NRXN1: variants seen among roughly 807,000 people sequenced by gnomAD.
NRXN1 encodes the protein neurexin 1, also known as neurexin-1.
Under a neutral mutation model 150.9 loss-of-function variants are expected in NRXN1, and 39 were observed. The observed-to-expected ratio is 0.26, with a 90% CI of 0.20 to 0.34. The LOEUF is 0.34. NRXN1 is among the 10% of genes least tolerant of loss of function. NRXN1 has a pLI of 1.00. For missense variants in NRXN1, 1,815 were observed against 1,949.9 expected, an observed-to-expected ratio of 0.93 and a Z score of 1.30; for synonymous variants, 924 against 757.0, an observed-to-expected ratio of 1.22 and a Z score of -3.62.
intron 18 of NRXN1, among the ~76,000 whole-genome samples, chr2:50,150,025 C>T (rs2058604219): frequency 6.6e-6 from 1 of 151,670 alleles, no homozygotes; most frequent in African/African-American, 2.4e-5. Context: ...GACTTGCACT[C>T]TTTATATTTC....
intron 17 of NRXN1, among the ~76,000 whole-genome samples, chr2:50,456,634 T>C (rs966883793): frequency 6.6e-6 from 1 of 152,134 alleles, no homozygotes; most frequent in African/African-American, 2.4e-5. Flanking sequence ...TATTCCTTAA[T>C]GCAAGCACAA....
At chr2:50,860,825 C>A (rs1333403127) in intron 5 of NRXN1, among the ~76,000 whole-genome samples, 1 of 151,986 alleles carries the variant, frequency 6.6e-6, no homozygotes, top group Non-Finnish European at 1.5e-5. Context: ...GACTAAAGTG[C>A]CAGATTTAAA....
At chr2:50,207,892 T>C (rs2062728570) in intron 18 of NRXN1, among the ~76,000 whole-genome samples, 1 of 152,142 alleles carries the variant, frequency 6.6e-6, no homozygotes, top group Admixed American at 6.6e-5. Context: ...GTTGTTTCCA[T>C]GTAGAGTAGG....
intron 2 of NRXN1, among the ~76,000 whole-genome samples, chr2:50,989,370 G>A (rs1698201189): frequency 1.3e-5 from 2 of 151,798 alleles, no homozygotes; most frequent in Non-Finnish European, 2.9e-5. Flanking sequence ...CCTTATAAGT[G>A]GGTAATTATA....
intron 5 of NRXN1, among the ~76,000 whole-genome samples, chr2:50,707,392 G>A (rs1163727498): frequency 6.6e-6 from 1 of 152,148 alleles, no homozygotes. Context: ...AAAGTGCAGT[G>A]CTGGTTCTTG....
chr2:50,755,465 A>C (rs2105351322), intron 5 of NRXN1, among the ~76,000 whole-genome samples: 1 of 151,912 alleles, frequency 6.6e-6, no homozygotes, highest in South Asian at 2.1e-4. Context: ...CTCCTTCCCA[A>C]GGAACAGTTT....
intron 5 of NRXN1, among the ~76,000 whole-genome samples, chr2:50,712,326 T>C (rs1469342232): frequency 1.3e-5 from 2 of 152,134 alleles, no homozygotes; most frequent in African/African-American, 4.8e-5. Context: ...TAATTGCTAT[T>C]TTTTAAAAAA....
intron 4 of NRXN1, 65 bp downstream of exon 4, chr2:50,922,593 G>T: frequency 6.6e-7 from 1 of 1,524,480 alleles, no homozygotes; most frequent in Non-Finnish European, 9.0e-7. Context: ...TGCAGTGATG[G>T]TTTGAAAGCA....
intron 5 of NRXN1, among the ~76,000 whole-genome samples, chr2:50,844,646 A>G (rs555986838): frequency 6.6e-6 from 1 of 152,348 alleles, no homozygotes; most frequent in Non-Finnish European, 1.5e-5. Context: ...TCATATTATG[A>G]TAATCCTTCC....
At chr2:50,080,979 A>C (rs1284805720) in intron 19 of NRXN1, among the ~76,000 whole-genome samples, 1 of 152,196 alleles carries the variant, frequency 6.6e-6, no homozygotes, top group Non-Finnish European at 1.5e-5. Flanking sequence ...TCTGAATTCT[A>C]GGTAAATGGG....
At chr2:50,561,095 A>G (rs2105392909) in intron 8 of NRXN1, among the ~76,000 whole-genome samples, 1 of 152,324 alleles carries the variant, frequency 6.6e-6, no homozygotes, top group East Asian at 1.9e-4. Context: ...GGGAAGAAAA[A>G]GGAAAAGAAA....
chr2:50,254,583 T>C (rs533636357), intron 17 of NRXN1, among the ~76,000 whole-genome samples: 5 of 150,692 alleles, frequency 3.3e-5, no homozygotes, highest in African/African-American at 5.0e-5. Flanking sequence ...AACAATGCTT[T>C]AGCTGCATCC....
Position 50,623,479 on chromosome 2 carries a change from G to A in NRXN1, c.969C>T (p.His323=), listed in dbSNP as rs375859050. ...KTLQRNGLML[H]TGKSADYVNL... ...TGACATAATCAGCCGATTTCCCAGT[G>A]TGAAGCATCAGTCCATTCCTCTGAA... is the stretch of plus-strand genomic sequence containing the variant. Residue 323 remains histidine (H), a synonymous_variant, in exon 6 of 23, where the codon CAC becomes CAT. Transcript: ENST00000401669. The A allele has an allele frequency of 1.2e-6, 2 of 1,613,460 alleles. No individual in the cohort carries two copies. The highest frequency in any genetic ancestry group is 1.1e-5 in the South Asian group (1 of 91,076).
At chr2:50,703,890 C>A (rs1200809837) in intron 5 of NRXN1, among the ~76,000 whole-genome samples, 3 of 152,050 alleles carry the variant, frequency 2.0e-5, no homozygotes, top group African/African-American at 7.2e-5. Context: ...CATATCGTTT[C>A]TACGTGGTAA....
chr2:50,266,122 C>T (rs368372283), intron 17 of NRXN1, among the ~76,000 whole-genome samples: 6 of 150,160 alleles, frequency 4.0e-5, no homozygotes, highest in African/African-American at 1.5e-4. Flanking sequence ...CCTCAGCCTC[C>T]CGAGTAGCTG....
intron 5 of NRXN1, among the ~76,000 whole-genome samples, chr2:50,754,189 G>A (rs1177548964): frequency 1.3e-5 from 2 of 151,900 alleles, no homozygotes; most frequent in South Asian, 4.2e-4. Context: ...TAGTAGTTTA[G>A]TAATCAAACC....
intron 17 of NRXN1, among the ~76,000 whole-genome samples, chr2:50,301,614 G>A (rs4142511): frequency 0.27 from 40,459 of 152,008 alleles, 5,644 homozygotes; most frequent in East Asian, 0.4. Context: ...GCAATGTCCT[G>A]TAGGGTACTC....
chr2:50,819,089 G>C (rs1170951352), intron 5 of NRXN1, among the ~76,000 whole-genome samples: 1 of 152,122 alleles, frequency 6.6e-6, no homozygotes, highest in East Asian at 1.9e-4. Flanking sequence ...ATGTAAAATG[G>C]TGCAGCCACT....
At chr2:50,116,744 CAA>C (rs1249367142) in intron 18 of NRXN1, among the ~76,000 whole-genome samples, 4 of 152,082 alleles carry the variant, frequency 2.6e-5, no homozygotes, top group Admixed American at 6.6e-5. Context: ...CATTTTCATG[CAA>C]ATCAAGTTAA....
Sources: gnomAD v4.1 joint callset for allele counts (sites outside exome capture counted in the v4.1 genomes callset) on GRCh38, gnomAD v4.1.1 for gene constraint, MANE v1.5 for transcripts, NCBI Gene and HGNC (gene_info 2026-07-23, HGNC 2026-07-21) for gene names.